SGCZ: variants seen among roughly 807,000 people sequenced by gnomAD.
SGCZ encodes the protein zeta-sarcoglycan.
SGCZ carries 40 observed loss-of-function variants against 41.3 expected under a neutral mutation model. The observed-to-expected ratio is 0.97, with a 90% CI of 0.75 to 1.26. The LOEUF (loss-of-function observed/expected upper bound fraction) is 1.26. SGCZ is among the 50% of genes most tolerant of loss of function. SGCZ has a pLI of 0.00. For missense variants in SGCZ, 552 were observed against 369.8 expected (o/e 1.49, Z -4.04); for synonymous variants, 206 against 137.5 (o/e 1.50, Z -3.49).
intron 4 of SGCZ, among the ~76,000 whole-genome samples, chr8:14,227,927 T>G (rs1806428269): frequency 6.6e-6 from 1 of 152,032 alleles, no homozygotes; most frequent in African/African-American, 2.4e-5. Context: ...AGTAATGGTT[T>G]CCCCCTAGCT....
chr8:14,728,232 C>T (rs1220664201), intron 1 of SGCZ, among the ~76,000 whole-genome samples: 1 of 151,188 alleles, frequency 6.6e-6, no homozygotes, highest in African/African-American at 2.4e-5. Context: ...ATAATTTTCT[C>T]TAAAAATAAA....
intron 2 of SGCZ, among the ~76,000 whole-genome samples, chr8:14,456,844 T>G (rs1339611613): frequency 3.9e-5 from 6 of 152,172 alleles, no homozygotes; most frequent in African/African-American, 1.2e-4. Flanking sequence ...TGATAGTGAC[T>G]GAGTTCTCAT....
At chr8:14,659,961 A>T (rs1467481325) in intron 1 of SGCZ, among the ~76,000 whole-genome samples, 1 of 152,150 alleles carries the variant, frequency 6.6e-6, no homozygotes, top group Non-Finnish European at 1.5e-5. Flanking sequence ...TGTGAACATG[A>T]AGGCAGAGAT....
At chr8:15,133,129 T>A (rs992994041) in intron 1 of SGCZ, among the ~76,000 whole-genome samples, 1 of 149,546 alleles carries the variant, frequency 6.7e-6, no homozygotes, top group African/African-American at 2.5e-5. Flanking sequence ...AGAGACAGAG[T>A]GATACCCTGT....
intron 2 of SGCZ, among the ~76,000 whole-genome samples, chr8:14,354,190 A>G (rs2117112552): frequency 6.6e-6 from 1 of 152,192 alleles, no homozygotes; most frequent in Middle Eastern, 3.4e-3. Context: ...AAACACTGTT[A>G]AACTTGTAAT....
chr8:15,111,025 G>C (rs571658640), intron 1 of SGCZ, among the ~76,000 whole-genome samples: 31 of 152,168 alleles, frequency 2.0e-4, no homozygotes, highest in African/African-American at 6.7e-4. Context: ...AACCAACAAT[G>C]AGTCCTGCTG....
At chr8:14,819,683 C>T (rs1379754813) in intron 1 of SGCZ, among the ~76,000 whole-genome samples, 2 of 152,026 alleles carry the variant, frequency 1.3e-5, no homozygotes, top group African/African-American at 4.8e-5. Context: ...GGCTAAGGAA[C>T]ACACAACAGA....
chr8:15,125,872 G>C (rs1807659267), intron 1 of SGCZ, among the ~76,000 whole-genome samples: 1 of 152,194 alleles, frequency 6.6e-6, no homozygotes, highest in Non-Finnish European at 1.5e-5. Context: ...AGGGTCGGGT[G>C]CAGTGGCTCA....
intron 3 of SGCZ, among the ~76,000 whole-genome samples, chr8:14,270,942 C>T (rs4276689): frequency 0.096 from 14,591 of 152,050 alleles, 982 homozygotes; most frequent in Admixed American, 0.19. Flanking sequence ...CAAACTATCC[C>T]AAGGACAAAA....
At chr8:14,256,110 G>C (rs982732153) in intron 3 of SGCZ, among the ~76,000 whole-genome samples, 1 of 152,042 alleles carries the variant, frequency 6.6e-6, no homozygotes, top group Non-Finnish European at 1.5e-5. Context: ...TTTAGGAAAA[G>C]CTGGGATACT....
intron 2 of SGCZ, among the ~76,000 whole-genome samples, chr8:14,362,410 C>T (rs1177150133): frequency 1.3e-5 from 2 of 152,146 alleles, no homozygotes; most frequent in African/African-American, 2.4e-5. Flanking sequence ...TGGTGGACGC[C>T]CCAACGCCAG....
intron 1 of SGCZ, among the ~76,000 whole-genome samples, chr8:15,053,746 G>C (rs896565454): frequency 3.9e-5 from 6 of 152,082 alleles, no homozygotes; most frequent in African/African-American, 1.4e-4. Context: ...GGTTTCTCTT[G>C]TCAATGATAT....
chr8:15,236,479 G>C (rs924773349), intron 1 of SGCZ, among the ~76,000 whole-genome samples: 1 of 152,042 alleles, frequency 6.6e-6, no homozygotes, highest in East Asian at 1.9e-4. Context: ...AAAGAAGCCA[G>C]AATCCATCTG....
At chr8:14,587,601 A>T (rs975165218) in intron 1 of SGCZ, among the ~76,000 whole-genome samples, 1 of 152,214 alleles carries the variant, frequency 6.6e-6, no homozygotes, top group African/African-American at 2.4e-5. Context: ...ACACAGTGAC[A>T]GTCTTATTGC....
intron 2 of SGCZ, among the ~76,000 whole-genome samples, chr8:14,407,585 A>G (rs373175301): frequency 5.4e-4 from 83 of 152,306 alleles, no homozygotes; most frequent in African/African-American, 2.0e-3. Flanking sequence ...CCACCACTAT[A>G]TTACAATATA....
chr8:14,633,884 A>T (rs2117405385), intron 1 of SGCZ, among the ~76,000 whole-genome samples: 1 of 151,788 alleles, frequency 6.6e-6, no homozygotes, highest in South Asian at 2.1e-4. Context: ...TGCTGATTTT[A>T]ACATTAAACA....
At chr8:14,720,839 T>A (rs1313521627) in intron 1 of SGCZ, among the ~76,000 whole-genome samples, 1 of 152,156 alleles carries the variant, frequency 6.6e-6, no homozygotes. Flanking sequence ...TTACATATTA[T>A]GTACCAATAT....
intron 1 of SGCZ, among the ~76,000 whole-genome samples, chr8:14,636,159 G>C (rs1027071599): frequency 6.6e-6 from 1 of 151,872 alleles, no homozygotes; most frequent in African/African-American, 2.4e-5. Flanking sequence ...GTGCATAATA[G>C]AGGATGAGAG....
intron 2 of SGCZ, among the ~76,000 whole-genome samples, chr8:14,431,525 A>G (rs1563324969): frequency 1.3e-5 from 2 of 152,218 alleles, no homozygotes; most frequent in South Asian, 4.1e-4. Context: ...CTCTCACCTT[A>G]TACAAAAATC....
Sources: allele counts gnomAD v4.1 joint callset (sites outside exome capture counted in the v4.1 genomes callset), GRCh38; gene constraint gnomAD v4.1.1; transcripts MANE v1.5; gene names NCBI Gene and HGNC (gene_info 2026-07-23, HGNC 2026-07-21).